Variants in FARS2 observed in about 807,000 individuals in gnomAD.
The protein encoded by FARS2 is phenylalanyl-tRNA synthetase 2, mitochondrial.
Under a neutral mutation model 46.4 loss-of-function variants are expected in FARS2, and 40 were observed. The observed-to-expected ratio is 0.86, with a 90% CI of 0.67 to 1.12. The LOEUF (loss-of-function observed/expected upper bound fraction) is 1.12. Among genes scored for constraint, FARS2 ranks in the 50% most tolerant of loss-of-function variants. The pLI is 0.00. For missense variants in FARS2, 513 were observed against 567.9 expected, an observed-to-expected ratio of 0.90 and a Z score of 0.98; for synonymous variants, 234 against 214.9, an observed-to-expected ratio of 1.09 and a Z score of -0.78.
Position 5,707,791 on chromosome 6 carries a change from A to T in FARS2, c.1218-63500A>T, listed in dbSNP as rs138083420. Reference sequence around the variant, plus strand: ...CCCGGCGCACATCTCACAGAGCCCCATCTTGTCCCTGGGTAGCCTCGGGGC... The same window carrying T: ...CCCGGCGCACATCTCACAGAGCCCCTTCTTGTCCCTGGGTAGCCTCGGGGC... On this transcript the variant is annotated intron_variant, in intron 6 of 6. Coordinates refer to ENST00000274680, the MANE Select transcript of FARS2 (RefSeq NM_006567.5). 2.0e-3 allele frequency among the ~76,000 whole-genome samples: 306 copies of T among 152,276 alleles called. 5 individuals are homozygous for T. The East Asian group carries it at 0.049, about 24-fold the overall frequency.
chr6:5,714,193 C>T (rs1341328008), intron 6 of FARS2, among the ~76,000 whole-genome samples: 1 of 152,142 alleles, frequency 6.6e-6, no homozygotes, highest in Non-Finnish European at 1.5e-5. Context: ...GGAGCCAAAG[C>T]ACTTTGCTAG....
At chr6:5,431,560 G>A in intron 4 of FARS2, 1 of 468,280 alleles carries the variant, frequency 2.1e-6, no homozygotes, top group Non-Finnish European at 4.4e-6. Context: ...TGTTCTTACT[G>A]CACTTAGTAT....
chr6:5,316,697 T>G (rs990598906), intron 1 of FARS2, among the ~76,000 whole-genome samples: 1 of 152,200 alleles, frequency 6.6e-6, no homozygotes, highest in Non-Finnish European at 1.5e-5. Flanking sequence ...GCCGCCACAC[T>G]TTCATGAATT....
intron 4 of FARS2, among the ~76,000 whole-genome samples, chr6:5,496,437 T>C (rs558798501): frequency 7.9e-5 from 12 of 152,270 alleles, no homozygotes; most frequent in East Asian, 3.9e-4. Flanking sequence ...GTGTAGAGCA[T>C]ACAAGAGATG....
intron 4 of FARS2, 104 bp downstream of exon 4, chr6:5,431,276 G>A: frequency 8.6e-7 from 1 of 1,159,470 alleles, no homozygotes; most frequent in Non-Finnish European, 1.3e-6. Context: ...TTCTATGCGG[G>A]CAGCGGCATC....
chr6:5,652,665 A>C (rs933713144), intron 6 of FARS2, among the ~76,000 whole-genome samples: 2 of 152,236 alleles, frequency 1.3e-5, no homozygotes, highest in East Asian at 3.9e-4. Context: ...CTGTTGACAG[A>C]GACCTTTGAT....
intron 6 of FARS2, among the ~76,000 whole-genome samples, chr6:5,726,014 G>A (rs1413943490): frequency 6.6e-6 from 1 of 152,172 alleles, no homozygotes; most frequent in African/African-American, 2.4e-5. Flanking sequence ...ATTGGAAGGA[G>A]GTGGATGAAT....
At chr6:5,614,545 G>T (rs1324714353) in intron 6 of FARS2, among the ~76,000 whole-genome samples, 1 of 152,092 alleles carries the variant, frequency 6.6e-6, no homozygotes, top group East Asian at 1.9e-4. Flanking sequence ...GAGTAGCTGG[G>T]ACTACAGGCG....
intron 4 of FARS2, among the ~76,000 whole-genome samples, chr6:5,477,394 C>T (rs1266564543): frequency 1.3e-5 from 2 of 152,152 alleles, no homozygotes; most frequent in Non-Finnish European, 2.9e-5. Flanking sequence ...TCCTGAAATA[C>T]CACTTTTATT....
At chr6:5,747,331 G>A (rs1761702500) in intron 6 of FARS2, among the ~76,000 whole-genome samples, 1 of 152,238 alleles carries the variant, frequency 6.6e-6, no homozygotes, top group South Asian at 2.1e-4. Context: ...TACTTTGGCT[G>A]CTATAAGGAG....
chr6:5,255,873 G>C, the FARS2 span, among the ~76,000 whole-genome samples: 1 of 152,110 alleles, frequency 6.6e-6, no homozygotes, highest in Non-Finnish European at 1.5e-5. Context: ...ATCACCCCAG[G>C]ATGAGAACTA....
chr6:5,407,249 C>T (rs895407633), intron 3 of FARS2, among the ~76,000 whole-genome samples: 4 of 151,730 alleles, frequency 2.6e-5, no homozygotes, highest in Non-Finnish European at 5.9e-5. Context: ...TCATGGTCAC[C>T]GTTCTTCCAG....
At chr6:5,395,972 A>G (rs947287486) in intron 2 of FARS2, among the ~76,000 whole-genome samples, 4 of 152,212 alleles carry the variant, frequency 2.6e-5, no homozygotes, top group African/African-American at 4.8e-5. Flanking sequence ...TTGAATTTTA[A>G]TGTTAATGTC....
intron 5 of FARS2, among the ~76,000 whole-genome samples, chr6:5,581,458 C>T (rs1400623369): frequency 6.6e-6 from 1 of 152,202 alleles, no homozygotes; most frequent in African/African-American, 2.4e-5. Context: ...GCTGAAGAAG[C>T]TGAACATCGT....
At chr6:5,459,862 C>CTAAGTAACATGGAA (rs2150296680) in intron 4 of FARS2, among the ~76,000 whole-genome samples, 1 of 152,288 alleles carries the variant, frequency 6.6e-6, no homozygotes, top group South Asian at 2.1e-4. Flanking sequence ...GAATCATTCT[C>CTAAGTAACATGGAA]TGTATCTCTA....
At chr6:5,477,853 T>C (rs1292372151) in intron 4 of FARS2, among the ~76,000 whole-genome samples, 2 of 151,744 alleles carry the variant, frequency 1.3e-5, no homozygotes, top group African/African-American at 2.4e-5. Context: ...ACCTCATCTC[T>C]ACAAAAAATA....
chr6:5,386,871 C>T (rs1459198856), intron 2 of FARS2, among the ~76,000 whole-genome samples: 1 of 152,062 alleles, frequency 6.6e-6, no homozygotes, highest in African/African-American at 2.4e-5. Flanking sequence ...GCACAGTCGC[C>T]TGGGGTGGAG....
chr6:5,692,702 G>A (rs1029060720), intron 6 of FARS2, among the ~76,000 whole-genome samples: 2 of 152,212 alleles, frequency 1.3e-5, no homozygotes, highest in South Asian at 2.1e-4. Flanking sequence ...TATAAAAATC[G>A]ATAATAGATG....
chr6:5,748,604 A>G (rs959529515), intron 6 of FARS2, among the ~76,000 whole-genome samples: 8 of 152,268 alleles, frequency 5.3e-5, no homozygotes, highest in African/African-American at 1.2e-4. Flanking sequence ...TACATCCAGT[A>G]TATTATTTTG....
Sources: gnomAD v4.1 joint callset for allele counts (sites outside exome capture counted in the v4.1 genomes callset) on GRCh38, gnomAD v4.1.1 for gene constraint, MANE v1.5 for transcripts, NCBI Gene and HGNC (gene_info 2026-07-23, HGNC 2026-07-21) for gene names.